TNFRSF8: variants seen among roughly 807,000 people sequenced by gnomAD.
TNFRSF8 encodes the protein tumor necrosis factor receptor superfamily member 8.
In TNFRSF8, 26 loss-of-function variants were observed where a neutral mutation model predicts 70.8. That is an observed-to-expected ratio of 0.37 (90% CI 0.27 to 0.51). The LOEUF (loss-of-function observed/expected upper bound fraction) is 0.51. TNFRSF8 is among the 20% of genes least tolerant of loss of function. TNFRSF8 has a pLI of 0.94. For synonymous variants in TNFRSF8, 356 were observed against 339.2 expected (o/e 1.05, Z -0.54); for missense variants, 720 against 807.9 (o/e 0.89, Z 1.32).
chr1:12,123,538 A>G (rs967004067), intron 9 of TNFRSF8, among the ~76,000 whole-genome samples, 161 bp downstream of exon 9: 3 of 152,166 alleles, frequency 2.0e-5, no homozygotes, highest in African/African-American at 7.2e-5. Flanking sequence ...CACCATTGGA[A>G]AGCCAGAAGG....
intron 1 of TNFRSF8, among the ~76,000 whole-genome samples, chr1:12,084,103 T>G (rs1641111370): frequency 6.6e-6 from 1 of 152,098 alleles, no homozygotes; most frequent in East Asian, 1.9e-4. Flanking sequence ...TACCAGAAAT[T>G]TGTATTGTTG....
At chr1:12,130,667 G>A (rs555296575) in intron 12 of TNFRSF8, among the ~76,000 whole-genome samples, 2 of 152,356 alleles carry the variant, frequency 1.3e-5, no homozygotes, top group Non-Finnish European at 2.9e-5. Context: ...ATGTGAGAAC[G>A]CACGTGCTCC....
intron 1 of TNFRSF8, chr1:12,078,107 C>T (rs959862860): frequency 2.0e-5 from 3 of 152,092 alleles, no homozygotes; most frequent in South Asian, 2.1e-4. Flanking sequence ...GTGAGCTGGG[C>T]GTGGTGGATG....
chr1:12,129,217 T>G (rs1642001523), intron 12 of TNFRSF8, among the ~76,000 whole-genome samples: 1 of 152,198 alleles, frequency 6.6e-6, no homozygotes, highest in South Asian at 2.1e-4. Flanking sequence ...AAGAAATTCT[T>G]TTTTTGTTTT....
intron 1 of TNFRSF8, among the ~76,000 whole-genome samples, chr1:12,066,583 C>T (rs1456212026): frequency 2.6e-5 from 4 of 152,074 alleles, no homozygotes; most frequent in African/African-American, 9.7e-5. Context: ...GAACTCCTGA[C>T]CTCAGGAGAT....
intron 4 of TNFRSF8, among the ~76,000 whole-genome samples, chr1:12,105,192 G>A (rs112138971): frequency 5.3e-5 from 8 of 152,230 alleles, no homozygotes; most frequent in South Asian, 2.1e-4. Flanking sequence ...GTATGGAGCC[G>A]GGGAGATGGG....
At position 12,113,110 on chromosome 1, in the gene TNFRSF8, C is replaced by T. The variant is rs533152147; in HGVS notation, c.793+1096C>T. On this transcript the variant is annotated intron_variant, in intron 7 of 14. Coordinates refer to ENST00000263932, the MANE Select transcript of TNFRSF8 (RefSeq NM_001243.5). The surrounding 1 kb of genome is among the most constrained non-coding windows in gnomAD (Gnocchi z 4.9). ...GAGTCAGAATTCAGACAGGGCACTG[C>T]GGGGACAGCTTGTCTCTGCTCCACA... Among the ~76,000 whole-genome samples the T allele has an allele frequency of 1.3e-5, 2 of 152,326 alleles. No homozygotes were observed. Among genetic ancestry groups the T allele is most frequent in the East Asian group, 1.9e-4 (1 of 5,186 alleles).
At chr1:12,094,919 C>T (rs1321370442) in intron 2 of TNFRSF8, among the ~76,000 whole-genome samples, 1 of 152,120 alleles carries the variant, frequency 6.6e-6, no homozygotes, top group Non-Finnish European at 1.5e-5. Context: ...ACCCACCGCA[C>T]CCGGCTCGAA....
intron 12 of TNFRSF8, 60 bp downstream of exon 12, chr1:12,126,296 G>A (rs1472444221): frequency 1.3e-6 from 2 of 1,599,208 alleles, no homozygotes; most frequent in South Asian, 1.1e-5. Flanking sequence ...GCAGCTCTGG[G>A]CCCGGGGCGT....
chr1:12,069,989 G>T (rs1464431692), intron 1 of TNFRSF8, among the ~76,000 whole-genome samples: 8 of 152,254 alleles, frequency 5.3e-5, no homozygotes, highest in Admixed American at 1.3e-4. Flanking sequence ...GAACAGGAAG[G>T]AGGCCGGGGT....
chr1:12,120,746 A>G (rs527792021), intron 8 of TNFRSF8, among the ~76,000 whole-genome samples: 6 of 152,304 alleles, frequency 3.9e-5, no homozygotes, highest in East Asian at 1.9e-4. Flanking sequence ...ACACAGGCAG[A>G]CCAACTAGGG....
intron 12 of TNFRSF8, among the ~76,000 whole-genome samples, chr1:12,127,998 G>A (rs774779078): frequency 3.3e-5 from 5 of 152,322 alleles, no homozygotes; most frequent in Non-Finnish European, 7.4e-5. Context: ...CGAGGCTCAA[G>A]ATGGACAGAA....
At chr1:12,087,327 C>T (rs540020345) in intron 2 of TNFRSF8, among the ~76,000 whole-genome samples, 5 of 152,096 alleles carry the variant, frequency 3.3e-5, no homozygotes, top group Admixed American at 1.3e-4. Flanking sequence ...GCCACCACAC[C>T]CAGCTAGTTT....
intron 13 of TNFRSF8, among the ~76,000 whole-genome samples, chr1:12,137,780 C>T (rs1642175136): frequency 6.6e-6 from 1 of 151,898 alleles, no homozygotes; most frequent in Non-Finnish European, 1.5e-5. Flanking sequence ...CTGGTACTTA[C>T]AGACTTGGGT....
intron 4 of TNFRSF8, among the ~76,000 whole-genome samples, chr1:12,106,137 CAG>C (rs1442185446): frequency 6.6e-6 from 1 of 152,088 alleles, no homozygotes; most frequent in Non-Finnish European, 1.5e-5. Context: ...TTCCCAGAAT[CAG>C]AGTCTCAGGA....
At chr1:12,134,922 C>T (rs1212400545) in intron 12 of TNFRSF8, among the ~76,000 whole-genome samples, 11 of 152,140 alleles carry the variant, frequency 7.2e-5, no homozygotes, top group Admixed American at 7.2e-4. Context: ...GCCTCCTGGG[C>T]TCTGGTTGGG....
rs1004090634 is a variant in TNFRSF8, at chr1:12,112,833, C to T, written c.793+819C>T. Among the ~76,000 whole-genome samples, 3 of 152,182 alleles carry T rather than the reference C, an allele frequency of 2.0e-5. No individual in the cohort carries two copies. The highest frequency in any genetic ancestry group is 7.2e-5 in the African/African-American group (3 of 41,452). ...GGGCATGTGGGCAGGGGGTGTTGCT[C>T]AGGCCACAGGCTGCTGTGACTGTTA... is the stretch of plus-strand genomic sequence containing the variant. On this transcript the variant is annotated intron_variant, in intron 7 of 14. Coordinates refer to ENST00000263932, the MANE Select transcript of TNFRSF8 (RefSeq NM_001243.5). This position sits in a 1 kb window ranked among gnomAD's most constrained non-coding sequence, Gnocchi z 5.3.
rs553689945 is a variant in TNFRSF8, at chr1:12,132,047, C to T, written c.1310-3541C>T. On this transcript the variant is annotated intron_variant, in intron 12 of 14. Transcript: ENST00000263932. ...GGCATCGTGATTTGCCCACCTCAGC[C>T]TCCCAAAATACTGGGATTACAGGCA... Among the ~76,000 whole-genome samples the T allele has an allele frequency of 2.0e-5, 3 of 152,304 alleles. No individual in the cohort carries two copies. In the East Asian group the frequency reaches 5.8e-4, roughly 29 times the overall value.
chr1:12,126,146 G>A (rs765027779), intron 11 of TNFRSF8, 37 bp from the exon 12 acceptor site: 69 of 1,613,868 alleles, frequency 4.3e-5, no homozygotes, highest in Non-Finnish European at 5.6e-5. Flanking sequence ...GCTCTCTGAG[G>A]CCGCCACCCC....
Sources: allele counts gnomAD v4.1 joint callset (sites outside exome capture counted in the v4.1 genomes callset), GRCh38; gene constraint gnomAD v4.1.1; non-coding constraint Gnocchi (gnomAD v3.1); transcripts MANE v1.5; gene names NCBI Gene and HGNC (gene_info 2026-07-23, HGNC 2026-07-21).